The following ABCC5 variants were observed in gnomAD, a reference collection of about 807,000 sequenced individuals.
The protein encoded by ABCC5 is ATP binding cassette subfamily C member 5, also known as ATP-binding cassette sub-family C member 5.
ABCC5 carries 61 observed loss-of-function variants against 160.9 expected under a neutral mutation model. That is an observed-to-expected ratio of 0.38 (90% confidence interval 0.31 to 0.47). ABCC5 has a LOEUF of 0.47. Ranked by LOEUF, ABCC5 falls within the 20% of genes least tolerant of loss-of-function variation. The probability of loss-of-function intolerance (pLI) is 0.99; values close to 1 mark genes in which losing one functional copy is unlikely to be tolerated. For missense variants in ABCC5, 1,308 were observed against 1,813.3 expected, an observed-to-expected ratio of 0.72 and a Z score of 5.06; for synonymous variants, 666 against 700.6, an observed-to-expected ratio of 0.95 and a Z score of 0.78.
chr3:183,977,376 C>G, intron 10 of ABCC5, 141 bp downstream of exon 10: 2 of 562,600 alleles, frequency 3.6e-6, no homozygotes, highest in South Asian at 2.5e-5. Context: ...TCCACTGCCC[C>G]CTTTTTCTTA....
rs147028569 is a variant in ABCC5 at position 183,936,372 on chromosome 3, C to T, written c.3854+1529G>A. On this transcript the variant is annotated intron_variant, in intron 26 of 29. Coordinates refer to ENST00000334444, the MANE Select transcript of ABCC5 (RefSeq NM_005688.4). ...CAGCCTGAGCAGACTAAGATATCTA[C>T]CAAAGTTCCTTGAGTTCAAAATGCC... Among the ~76,000 whole-genome samples the T allele has an allele frequency of 5.9e-3, 901 of 152,210 alleles. 10 individuals carry two copies. Among genetic ancestry groups the T allele is most frequent in the African/African-American group, 0.021 (863 of 41,518 alleles).
rs752991233 is a variant in ABCC5, at chr3:183,951,819, A to AC, written c.2814+37dup. The AC allele has an allele frequency of 4.6e-5, 73 of 1,599,934 alleles. No individual in the cohort carries two copies. Among genetic ancestry groups the AC allele is most frequent in the Non-Finnish European group, 6.1e-5 (71 of 1,171,628 alleles). On this transcript the variant is annotated intron_variant, in intron 19 of 29. Coordinates refer to ENST00000334444, the MANE Select transcript of ABCC5 (RefSeq NM_005688.4). The surrounding 1 kb of genome is among the most constrained non-coding windows in gnomAD (Gnocchi z 4.7). ...CCACACCAAAGCCTGACCACAGGTCACCAGGGAGGAGGGCAGAGACCACCC... is the reference window on the plus strand; with the variant it reads ...CCACACCAAAGCCTGACCACAGGTCACCCAGGGAGGAGGGCAGAGACCACCC...
At chr3:183,957,919 T>G (rs374485964) in intron 17 of ABCC5, among the ~76,000 whole-genome samples, 2 of 84,606 alleles carry the variant, frequency 2.4e-5, no homozygotes, top group South Asian at 4.3e-4. Flanking sequence ...TCCGTGTGTA[T>G]ATCACATCGG....
chr3:183,988,030 C>T lies in ABCC5; in HGVS notation c.444-113G>A. On this transcript the variant is annotated intron_variant, in intron 4 of 29. Transcript: ENST00000334444. The surrounding 1 kb of genome is among the most constrained non-coding windows in gnomAD (Gnocchi z 4.4). Reference sequence around the variant, plus strand: ...GTTTTGCCACCACTCACACAAGTCTCTCCTTTAAAATTATGTACATAGTCT... The same window carrying T: ...GTTTTGCCACCACTCACACAAGTCTTTCCTTTAAAATTATGTACATAGTCT... 1.7e-6 allele frequency: 2 copies of T among 1,191,770 alleles called. No individual in the cohort carries two copies. The highest frequency in any genetic ancestry group is 2.4e-6 in the Non-Finnish European group (2 of 836,932). The allele number at this position is 1,191,770 out of a possible 1,614,324, so 73.8% of individuals were successfully genotyped here. A position where few individuals can be genotyped will look rare whatever the true frequency, so the allele number is the denominator to read the frequency against.
chr3:183,965,095 T>A (rs1474214161), intron 14 of ABCC5, 90 bp downstream of exon 14: 1 of 1,355,762 alleles, frequency 7.4e-7, no homozygotes, highest in Admixed American at 1.8e-5. Context: ...GAGGCTCTTC[T>A]CCCAAGCATT....
At chr3:184,004,617 A>G (rs1576937714) in intron 2 of ABCC5, among the ~76,000 whole-genome samples, 1 of 152,234 alleles carries the variant, frequency 6.6e-6, no homozygotes, top group East Asian at 1.9e-4. Flanking sequence ...GGGTTCCATC[A>G]TGTGACCACC....
intron 22 of ABCC5, among the ~76,000 whole-genome samples, chr3:183,947,950 C>T (rs1715001150): frequency 6.6e-6 from 1 of 152,190 alleles, no homozygotes; most frequent in Non-Finnish European, 1.5e-5. Context: ...AATATGGGAA[C>T]ACCATAAGTG....
At chr3:183,976,195 TTCCC>T (rs1199336403) in intron 10 of ABCC5, among the ~76,000 whole-genome samples, 1 of 152,002 alleles carries the variant, frequency 6.6e-6, no homozygotes, top group Non-Finnish European at 1.5e-5. Context: ...CTTCTCTCTC[TTCCC>T]TCCCTCCCTT....
chr3:183,935,476 G>A (rs367616153), intron 26 of ABCC5, among the ~76,000 whole-genome samples: 36 of 150,834 alleles, frequency 2.4e-4, no homozygotes, highest in African/African-American at 8.1e-4. Context: ...CACCGCACTC[G>A]GCCTATTTTT....
intron 2 of ABCC5, among the ~76,000 whole-genome samples, chr3:183,992,843 T>C (rs1268372423): frequency 6.6e-6 from 1 of 151,988 alleles, no homozygotes; most frequent in Non-Finnish European, 1.5e-5. Flanking sequence ...AAATCAATGC[T>C]TTAAGCTAGG....
At chr3:183,944,807 A>T (rs1301303849) in intron 24 of ABCC5, among the ~76,000 whole-genome samples, 2 of 152,154 alleles carry the variant, frequency 1.3e-5, no homozygotes, top group African/African-American at 4.8e-5. Context: ...TCTTCTTCCA[A>T]TGTGGCCCTG....
Position 183,982,928 on chromosome 3 carries a change from C to A in ABCC5, c.671G>T (p.Gly224Val). 2 of 1,614,236 alleles carry A rather than the reference C, an allele frequency of 1.2e-6. No homozygotes were observed. The highest frequency in any genetic ancestry group is 8.5e-7 in the Non-Finnish European group (1 of 1,180,048). ...NLQYSLLLVL[G>V]LLLTEIVRSW... ...CCGCACGATTTCCGTCAGGAGGAGG[C>A]CCAGCACTAACAACAAGCTGTACTG... Residue 224 changes from glycine to valine, a missense_variant, in exon 6 of 30, where the codon GGC becomes GTC. Physicochemically the swap from Gly to Val is moderately radical, Grantham distance 109. This residue lies in a region of ABCC5 where 1,142 missense variants were observed against 1,527.1 expected (regional missense o/e 0.75). Coordinates refer to ENST00000334444, the MANE Select transcript of ABCC5 (RefSeq NM_005688.4). This position sits in a 1 kb window ranked among gnomAD's most constrained non-coding sequence, Gnocchi z 5.2.
intron 2 of ABCC5, among the ~76,000 whole-genome samples, chr3:183,996,028 C>T (rs7610680): frequency 0.22 from 32,950 of 151,952 alleles, 4,911 homozygotes; most frequent in African/African-American, 0.41. Context: ...AGGCTGGTCT[C>T]GATCTCCTGA....
At chr3:183,976,501 T>G (rs1451516878) in intron 10 of ABCC5, among the ~76,000 whole-genome samples, 1 of 152,082 alleles carries the variant, frequency 6.6e-6, no homozygotes, top group African/African-American at 2.4e-5. Flanking sequence ...GTGAGCCACC[T>G]GCCTCAGCCT....
intron 2 of ABCC5, among the ~76,000 whole-genome samples, chr3:183,993,197 C>CT (rs1719933441): frequency 6.6e-6 from 1 of 152,108 alleles, no homozygotes; most frequent in South Asian, 2.1e-4. Context: ...CGTGAAGGTA[C>CT]TGCCGGGCTG....
At chr3:183,984,946 G>A in intron 5 of ABCC5, 1 of 1,495,906 alleles carries the variant, frequency 6.7e-7, no homozygotes. Context: ...CATACCTTTA[G>A]AGTGCCATTT....
At position 183,987,432 on chromosome 3, in the gene ABCC5, C is replaced by A; in HGVS notation, c.591+338G>T. 1.8e-6 allele frequency: 1 copy of A among 559,670 alleles called. No individual in the cohort carries two copies. The allele number at this position is 559,670 out of a possible 1,614,324, so 34.7% of individuals were successfully genotyped here. A position where few individuals can be genotyped will look rare whatever the true frequency, so the allele number is the denominator to read the frequency against. ...ACCAGCCCGGGCCACACAACGTGCT[C>A]TCACCCACTCATAGCACTGCAAGAC... On this transcript the variant is annotated intron_variant, in intron 5 of 29. Transcript: ENST00000334444. The surrounding 1 kb of genome is among the most constrained non-coding windows in gnomAD (Gnocchi z 4.2).
chr3:183,977,382 T>G (rs376140060), intron 10 of ABCC5, 135 bp downstream of exon 10: 25 of 571,780 alleles, frequency 4.4e-5, no homozygotes, highest in East Asian at 2.4e-4. Flanking sequence ...GCCCCCTTTT[T>G]CTTACCAACT....
At chr3:183,928,407 C>T (rs910761023) in intron 27 of ABCC5, among the ~76,000 whole-genome samples, 7 of 152,162 alleles carry the variant, frequency 4.6e-5, no homozygotes, top group Admixed American at 1.3e-4. Flanking sequence ...CCACTGCGCC[C>T]GGCCACGTTA....
Sources: allele counts gnomAD v4.1 joint callset (sites outside exome capture counted in the v4.1 genomes callset), GRCh38; gene constraint gnomAD v4.1.1; regional missense constraint gnomAD v4.1.1; non-coding constraint Gnocchi (gnomAD v3.1); transcripts MANE v1.5; gene names NCBI Gene and HGNC (gene_info 2026-07-23, HGNC 2026-07-21).